TMPRSS11D: variants seen among roughly 807,000 people sequenced by gnomAD.
TMPRSS11D encodes transmembrane protease serine 11D.
TMPRSS11D carries 32 observed loss-of-function variants against 44.4 expected under a neutral mutation model. That is an observed-to-expected ratio of 0.72 (90% CI 0.54 to 0.97). The LOEUF (loss-of-function observed/expected upper bound fraction) is 0.97, where lower values mean the gene tolerates loss of function less well. TMPRSS11D is among the 50% of genes least tolerant of loss of function. TMPRSS11D has a pLI of 0.00. For missense variants in TMPRSS11D, 446 were observed against 502.6 expected (o/e 0.89, Z 1.08); for synonymous variants, 179 against 177.9 (o/e 1.01, Z -0.05).
chr4:67,866,642 G>C (rs990380634), intron 1 of TMPRSS11D, among the ~76,000 whole-genome samples: 2 of 151,592 alleles, frequency 1.3e-5, no homozygotes, highest in Non-Finnish European at 3.0e-5. Context: ...GGAATGTCTC[G>C]GGATACAAAA....
At chr4:67,832,197 G>A (rs1717961935) in intron 7 of TMPRSS11D, among the ~76,000 whole-genome samples, 1 of 152,090 alleles carries the variant, frequency 6.6e-6, no homozygotes, top group Admixed American at 6.6e-5. Context: ...GGATTGATCT[G>A]CCTATGGAAG....
intron 1 of TMPRSS11D, among the ~76,000 whole-genome samples, chr4:67,863,342 AAAAAG>A (rs1221573768): frequency 2.1e-4 from 31 of 150,746 alleles, no homozygotes; most frequent in Admixed American, 1.4e-3. Flanking sequence ...AAAAAAAAAA[AAAAAG>A]AAAAGAAAAG....
intron 1 of TMPRSS11D, among the ~76,000 whole-genome samples, chr4:67,875,491 A>G (rs928813697): frequency 3.9e-5 from 6 of 152,040 alleles, no homozygotes; most frequent in Admixed American, 6.6e-5. Context: ...CACACTCTCA[A>G]TCTTTGCAAA....
chr4:67,838,398 C>T, intron 4 of TMPRSS11D, 69 bp from the exon 5 acceptor site: 1 of 1,374,154 alleles, frequency 7.3e-7, no homozygotes, highest in South Asian at 1.6e-5. Flanking sequence ...TTTATATATT[C>T]TTCTTGATTA....
chr4:67,843,649 C>T (rs752152297), intron 3 of TMPRSS11D, among the ~76,000 whole-genome samples: 2 of 152,182 alleles, frequency 1.3e-5, no homozygotes, highest in Non-Finnish European at 2.9e-5. Flanking sequence ...TATGGCCGGG[C>T]GCAGTGGCTC....
Position 67,883,991 on chromosome 4 carries a change from A to C in TMPRSS11D, c.-58T>G. 1 of 1,506,542 alleles carries C rather than the reference A, an allele frequency of 6.6e-7. No homozygotes were observed. Among genetic ancestry groups the C allele is most frequent in the South Asian group, 1.2e-5 (1 of 84,506 alleles). The allele number at this position is 1,506,542 out of a possible 1,614,324, so 93.3% of individuals were successfully genotyped here. On this transcript the variant is annotated 5_prime_UTR_variant, in exon 1 of 10. Transcript: ENST00000283916. The stretch of plus-strand genomic sequence containing the variant: ...CCTACTCAACTGCTTTGAGATTCCC[A>C]CTCAAATGAATGACTCTCATGTATT...
rs141438601 is a variant in TMPRSS11D, at chr4:67,833,282, C to T, written c.614G>A (p.Arg205Gln). ...TCCACAGTGGTGGGCATTATTGAGC[C>T]GCAGACTGACTTGCCACGGCCAGCT... ...EGSWPWQVSLRLNNAHHCGGS... is the reference protein window; with the variant it reads ...EGSWPWQVSLQLNNAHHCGGS... Residue 205 changes from arginine to glutamine, a missense_variant, in exon 7 of 10, where the codon CGG (arginine) becomes CAG (glutamine). Arg to Gln is a conservative substitution (Grantham distance 43). Coordinates refer to ENST00000283916, the MANE Select transcript of TMPRSS11D (RefSeq NM_004262.3). The T allele has an allele frequency of 3.8e-5, 60 of 1,599,384 alleles. No individual in the cohort carries two copies. The highest frequency in any genetic ancestry group is 5.4e-5 in the African/African-American group (4 of 73,944).
At chr4:67,860,630 G>A (rs1718772600) in intron 1 of TMPRSS11D, among the ~76,000 whole-genome samples, 1 of 151,880 alleles carries the variant, frequency 6.6e-6, no homozygotes, top group Non-Finnish European at 1.5e-5. Context: ...AGAATGCTTG[G>A]GTGATATAGG....
intron 3 of TMPRSS11D, among the ~76,000 whole-genome samples, chr4:67,847,125 A>C (rs1718378781): frequency 6.6e-6 from 1 of 152,096 alleles, no homozygotes; most frequent in Non-Finnish European, 1.5e-5. Context: ...GCTGGTCTTG[A>C]ACTCCTGACC....
At chr4:67,829,728 T>C (rs1717899193) in intron 7 of TMPRSS11D, among the ~76,000 whole-genome samples, 1 of 151,996 alleles carries the variant, frequency 6.6e-6, no homozygotes, top group South Asian at 2.1e-4. Context: ...TGGCAGTTCA[T>C]GGTAGGGGAG....
Position 67,822,114 on chromosome 4 carries a change from T to A in TMPRSS11D, c.*223A>T, listed in dbSNP as rs538881861. On this transcript the variant is annotated 3_prime_UTR_variant, in exon 10 of 10. Transcript: ENST00000283916. ...TAATTAGTTTAGTGTGTTTCTTCTG[T>A]TACACAGCCACAGTACTATGCAACA... 2.1e-6 allele frequency: 1 copy of A among 475,504 alleles called. No homozygotes were observed. The highest frequency in any genetic ancestry group is 1.9e-5 in the African/African-American group (1 of 52,034). 29.5% of individuals were successfully genotyped at this position (475,504 alleles called of 1,614,324 possible).
chr4:67,871,580 T>C (rs943924688), intron 1 of TMPRSS11D, among the ~76,000 whole-genome samples: 3 of 152,218 alleles, frequency 2.0e-5, no homozygotes, highest in African/African-American at 7.2e-5. Flanking sequence ...TGAAGACTAC[T>C]TGCCATTTCT....
At chr4:67,837,312 C>G (rs1049773810) in intron 5 of TMPRSS11D, among the ~76,000 whole-genome samples, 24 of 152,146 alleles carry the variant, frequency 1.6e-4, no homozygotes, top group Admixed American at 3.9e-4. Context: ...GGAGTTGGAG[C>G]AGTGTCTTAG....
chr4:67,869,837 A>G (rs1384592573), intron 1 of TMPRSS11D, among the ~76,000 whole-genome samples: 3 of 152,240 alleles, frequency 2.0e-5, no homozygotes, highest in African/African-American at 7.2e-5. Context: ...ACGACATGGT[A>G]TAATGAGACC....
At chr4:67,826,520 A>G (rs1236767054) in intron 8 of TMPRSS11D, among the ~76,000 whole-genome samples, 1 of 152,098 alleles carries the variant, frequency 6.6e-6, no homozygotes, top group African/African-American at 2.4e-5. Flanking sequence ...CATTGTCCTC[A>G]TTTTAGTTTC....
intron 3 of TMPRSS11D, among the ~76,000 whole-genome samples, chr4:67,844,583 G>T (rs1450427705): frequency 6.6e-6 from 1 of 151,944 alleles, no homozygotes; most frequent in Non-Finnish European, 1.5e-5. Flanking sequence ...AGACCAGTCT[G>T]GCCAACATGG....
At chr4:67,865,704 A>G (rs1718910074) in intron 1 of TMPRSS11D, among the ~76,000 whole-genome samples, 1 of 151,942 alleles carries the variant, frequency 6.6e-6, no homozygotes. Flanking sequence ...TATGCTCACA[A>G]ACTAGAAAAC....
At chr4:67,865,326 T>C (rs1357039215) in intron 1 of TMPRSS11D, among the ~76,000 whole-genome samples, 1 of 151,170 alleles carries the variant, frequency 6.6e-6, no homozygotes, top group Non-Finnish European at 1.5e-5. Context: ...TGAATGAAAA[T>C]GGAGACAAAA....
chr4:67,869,143 A>C (rs939325187), intron 1 of TMPRSS11D, among the ~76,000 whole-genome samples: 1 of 152,238 alleles, frequency 6.6e-6, no homozygotes, highest in Non-Finnish European at 1.5e-5. Context: ...AATTCCCAGC[A>C]GTCAGCTGTT....
Sources: allele counts gnomAD v4.1 joint callset (sites outside exome capture counted in the v4.1 genomes callset), GRCh38; gene constraint gnomAD v4.1.1; transcripts MANE v1.5; gene names NCBI Gene and HGNC (gene_info 2026-07-23, HGNC 2026-07-21).